Variants in SV2B observed in about 807,000 individuals in gnomAD.
SV2B encodes solute carrier family 22 member B2.
A neutral mutation model predicts 73.9 loss-of-function variants in SV2B; 41 were observed. The observed-to-expected ratio is 0.56, with a 90% CI of 0.43 to 0.72. The LOEUF (loss-of-function observed/expected upper bound fraction) is 0.72, where lower values mean the gene tolerates loss of function less well. Ranked by LOEUF, SV2B falls within the 30% of genes least tolerant of loss-of-function variation. SV2B has a pLI of 0.00. For missense variants in SV2B, 764 were observed against 857.8 expected (o/e 0.89, Z 1.37); for synonymous variants, 314 against 314.2 (o/e 1.00, Z 0.01).
Position 91,180,225 on chromosome 15 carries a change from G to A in SV2B, c.-391-45648G>A, listed in dbSNP as rs574284108. On this transcript the variant is annotated intron_variant, in intron 1 of 12. Transcript: ENST00000394232. ...TTAAGAATGTTGAATATTGGCCCCC[G>A]CTCTCTTCTGGCTTGTAGAGTTTCT... Among the ~76,000 whole-genome samples the A allele has an allele frequency of 8.0e-4, 121 of 152,176 alleles. No individual in the cohort carries two copies. In the East Asian group the frequency reaches 0.014, roughly 18 times the overall value.
intron 1 of SV2B, among the ~76,000 whole-genome samples, chr15:91,211,430 C>A (rs1467412291): frequency 2.6e-4 from 39 of 151,808 alleles, no homozygotes; most frequent in Non-Finnish European, 5.9e-5. Context: ...TTAAACTCTT[C>A]TTCTTCTCCT....
At chr15:91,101,914 T>C (rs890898145) in intron 1 of SV2B, 6 of 152,226 alleles carry the variant, frequency 3.9e-5, no homozygotes, top group African/African-American at 1.4e-4. Context: ...TCCAGGACTA[T>C]GAAGGTTTTG....
At chr15:91,113,089 C>T (rs1396324194) in intron 1 of SV2B, among the ~76,000 whole-genome samples, 1 of 152,196 alleles carries the variant, frequency 6.6e-6, no homozygotes, top group African/African-American at 2.4e-5. Context: ...ACCTTGGCCT[C>T]TCCTAAAGCA....
chr15:91,251,103 A>T (rs1232647212), intron 2 of SV2B, among the ~76,000 whole-genome samples: 1 of 152,240 alleles, frequency 6.6e-6, no homozygotes, highest in Non-Finnish European at 1.5e-5. Context: ...AAACACAGAC[A>T]TATAGACCAA....
At chr15:91,179,316 T>A (rs2044454577) in intron 1 of SV2B, among the ~76,000 whole-genome samples, 1 of 152,178 alleles carries the variant, frequency 6.6e-6, no homozygotes, top group East Asian at 1.9e-4. Context: ...CTTCTACCTA[T>A]GTGGTCAATT....
intron 1 of SV2B, among the ~76,000 whole-genome samples, chr15:91,158,369 TGGGG>T (rs2043561342): frequency 6.6e-6 from 1 of 152,140 alleles, no homozygotes; most frequent in South Asian, 2.1e-4. Flanking sequence ...TACAAGGTGA[TGGGG>T]GACCCTTGAA....
rs182671372 is a variant in SV2B at position 91,298,791 on chromosome 15, G to T, written c.*6239G>T. ...AGCTGTCCTCTACCAAAGTTAATGT[G>T]GTCACCACATTTGATGATTTTGCTA... On this transcript the variant is annotated 3_prime_UTR_variant, in exon 13 of 13. Transcript: ENST00000394232. This position sits in a 1 kb window ranked among gnomAD's most constrained non-coding sequence, Gnocchi z 5.4. 4 of 152,208 alleles carry T rather than the reference G, an allele frequency of 2.6e-5. No homozygotes were observed. The highest frequency in any genetic ancestry group is 9.6e-5 in the African/African-American group (4 of 41,520). 9.4% of individuals were successfully genotyped at this position (152,208 alleles called of 1,614,324 possible).
In SV2B at chr15:91,234,004, A is replaced by C. The variant is rs1454351633; in HGVS notation, c.451+7290A>C. On this transcript the variant is annotated intron_variant, in intron 2 of 12. Transcript: ENST00000394232. The surrounding 1 kb of genome is among the most constrained non-coding windows in gnomAD (Gnocchi z 5.6). ...AAGTTGGGTCAGGCTACATTTATTG[A>C]TTTGGGCCCACTAAGCAGAAATTCT... 2.0e-5 allele frequency among the ~76,000 whole-genome samples: 3 copies of C among 152,176 alleles called. No homozygotes were observed. Among genetic ancestry groups the C allele is most frequent in the Non-Finnish European group, 4.4e-5 (3 of 68,020 alleles).
At position 91,281,561 on chromosome 15, in the gene SV2B, C is replaced by G. The variant is rs532996949; in HGVS notation, c.1374-167C>G. 4.6e-5 allele frequency among the ~76,000 whole-genome samples: 7 copies of G among 152,348 alleles called. No homozygotes were observed. Among genetic ancestry groups the G allele is most frequent in the East Asian group, 1.9e-4 (1 of 5,194 alleles). On this transcript the variant is annotated intron_variant, in intron 9 of 12. Transcript: ENST00000394232. This position sits in a 1 kb window ranked among gnomAD's most constrained non-coding sequence, Gnocchi z 4.7. ...TTCCAGGTCCTGAAGCCCTTCCCCA[C>G]TAATAAACAAACAGCTAAGAAGTGG...
At position 91,300,953 on chromosome 15, in the gene SV2B, A is replaced by G. The variant is rs2049423743; in HGVS notation, c.*8401A>G. 1.3e-5 allele frequency: 2 copies of G among 152,258 alleles called. No homozygotes were observed. Among genetic ancestry groups the G allele is most frequent in the Non-Finnish European group, 2.9e-5 (2 of 68,056 alleles). 9.4% of individuals were successfully genotyped at this position (152,258 alleles called of 1,614,324 possible). ...ATACTGTTGGTTCAAATGTGCTGACATGTAGCCAGTGGAGGAAGATGTTTC... is the reference window on the plus strand; with the variant it reads ...ATACTGTTGGTTCAAATGTGCTGACGTGTAGCCAGTGGAGGAAGATGTTTC... On this transcript the variant is annotated 3_prime_UTR_variant, in exon 13 of 13. Coordinates refer to ENST00000394232, the MANE Select transcript of SV2B (RefSeq NM_001323032.3).
Position 91,284,842 on chromosome 15 carries a change from A to G in SV2B, c.1708+621A>G, listed in dbSNP as rs2048805907. ...GTCGGTTCTCAAAAATGGTAGCTATATTCATGTATGCCTTGCCTCATTCCA... is the reference window on the plus strand; with the variant it reads ...GTCGGTTCTCAAAAATGGTAGCTATGTTCATGTATGCCTTGCCTCATTCCA... On this transcript the variant is annotated intron_variant, in intron 11 of 12. Coordinates refer to ENST00000394232, the MANE Select transcript of SV2B (RefSeq NM_001323032.3). This position sits in a 1 kb window ranked among gnomAD's most constrained non-coding sequence, Gnocchi z 4.5. Among the ~76,000 whole-genome samples the G allele has an allele frequency of 6.6e-6, 1 of 152,222 alleles. No individual in the cohort carries two copies. The highest frequency in any genetic ancestry group is 2.1e-4 in the South Asian group (1 of 4,830).
In SV2B at chr15:91,281,847, T is replaced by C; in HGVS notation, c.1493T>C (p.Ile498Thr). 6.2e-7 allele frequency: 1 copy of C among 1,611,806 alleles called. No individual in the cohort carries two copies. The highest frequency in any genetic ancestry group is 8.5e-7 in the Non-Finnish European group (1 of 1,178,888). Residue 498 changes from isoleucine to threonine, a missense_variant, in exon 10 of 13, where the codon ATC becomes ACC. Physicochemically the swap from Ile to Thr is moderately conservative, Grantham distance 89. Coordinates refer to ENST00000394232, the MANE Select transcript of SV2B (RefSeq NM_001323032.3). This position sits in a 1 kb window ranked among gnomAD's most constrained non-coding sequence, Gnocchi z 4.7. The part of the protein sequence containing the change: ...YFKNCTIEST[I>T]FYNTDLYEHK... ...AAAAATTGTACCATTGAATCAACCA[T>C]CTTTTACAACACAGGTAGGTAAGAA...
intron 1 of SV2B, among the ~76,000 whole-genome samples, chr15:91,203,065 T>C (rs1294990562): frequency 6.6e-6 from 1 of 152,222 alleles, no homozygotes; most frequent in African/African-American, 2.4e-5. Context: ...TATTACTGCA[T>C]TATTTAATCC....
chr15:91,167,673 C>G (rs2043963128), intron 1 of SV2B, among the ~76,000 whole-genome samples: 1 of 152,182 alleles, frequency 6.6e-6, no homozygotes, highest in East Asian at 1.9e-4. Flanking sequence ...TCTCAACACT[C>G]TTAACTTCAT....
intron 9 of SV2B, among the ~76,000 whole-genome samples, chr15:91,276,006 C>A (rs917146349): frequency 2.0e-5 from 3 of 149,892 alleles, no homozygotes; most frequent in African/African-American, 7.3e-5. Context: ...TCTGATGGAT[C>A]TGTTTCTTCT....
rs1037401254 is a variant in SV2B at position 91,140,013 on chromosome 15, T to G, written c.-392+39650T>G. Among the ~76,000 whole-genome samples the G allele has an allele frequency of 9.9e-5, 15 of 152,138 alleles. No individual in the cohort carries two copies. Among genetic ancestry groups the G allele is most frequent in the African/African-American group, 3.6e-4 (15 of 41,424 alleles). Reference sequence around the variant, plus strand: ...TCTCAAAGTGTGGTCCTTGGACCAGTAGCATCCGCATCACCTGGGAGCTTG... The same window carrying G: ...TCTCAAAGTGTGGTCCTTGGACCAGGAGCATCCGCATCACCTGGGAGCTTG... On this transcript the variant is annotated intron_variant, in intron 1 of 12. Coordinates refer to ENST00000394232, the MANE Select transcript of SV2B (RefSeq NM_001323032.3). The surrounding 1 kb of genome is among the most constrained non-coding windows in gnomAD (Gnocchi z 4.4).
intron 11 of SV2B, among the ~76,000 whole-genome samples, chr15:91,285,815 C>T (rs1340304621): frequency 2.6e-5 from 4 of 151,950 alleles, no homozygotes; most frequent in Admixed American, 2.6e-4. Context: ...GGGTGGGTGC[C>T]CATGTCGACG....
At chr15:91,275,579 C>T (rs551214985) in intron 9 of SV2B, among the ~76,000 whole-genome samples, 1 of 152,258 alleles carries the variant, frequency 6.6e-6, no homozygotes, top group African/African-American at 2.4e-5. Flanking sequence ...AATCCTAGCA[C>T]TTTGGGAGGC....
rs758997158 is a variant in SV2B at position 91,301,320 on chromosome 15, C to G, written c.*8768C>G. 2 of 152,170 alleles carry G rather than the reference C, an allele frequency of 1.3e-5. No homozygotes were observed. The highest frequency in any genetic ancestry group is 4.8e-5 in the African/African-American group (2 of 41,404). 9.4% of individuals were successfully genotyped at this position (152,170 alleles called of 1,614,324 possible). A position where few individuals can be genotyped will look rare whatever the true frequency, so the allele number is the denominator to read the frequency against. On this transcript the variant is annotated 3_prime_UTR_variant, in exon 13 of 13. Coordinates refer to ENST00000394232, the MANE Select transcript of SV2B (RefSeq NM_001323032.3). This position sits in a 1 kb window ranked among gnomAD's most constrained non-coding sequence, Gnocchi z 4.3. The stretch of plus-strand genomic sequence containing the variant: ...AACTGACAAAACCCACTTTTGGTCT[C>G]TCTTCATATTTTTCGTGGTTTCATT...
Sources: gnomAD v4.1 joint callset for allele counts (sites outside exome capture counted in the v4.1 genomes callset) on GRCh38, gnomAD v4.1.1 for gene constraint, Gnocchi (gnomAD v3.1) non-coding constraint, MANE v1.5 for transcripts, NCBI Gene and HGNC (gene_info 2026-07-23, HGNC 2026-07-21) for gene names.